RNF220: variants seen among roughly 807,000 people sequenced by gnomAD.
RNF220 encodes E3 ubiquitin-protein ligase RNF220.
In RNF220, 7 loss-of-function variants were observed where a neutral mutation model predicts 67.1. The ratio of observed to expected loss-of-function variants is 0.10; its 90% CI spans 0.06 to 0.20. The LOEUF (loss-of-function observed/expected upper bound fraction) is 0.20, where lower values mean the gene tolerates loss of function less well. Ranked by LOEUF, RNF220 falls within the 10% of genes least tolerant of loss-of-function variation. The pLI is 1.00. For missense variants in RNF220, 565 were observed against 740.3 expected (o/e 0.76, Z 2.75); for synonymous variants, 270 against 283.2 (o/e 0.95, Z 0.47).
rs1293272686 is a variant in RNF220, at chr1:44,417,492, C to T, written c.625+4770C>T. On this transcript the variant is annotated intron_variant, in intron 2 of 14. Coordinates refer to ENST00000361799, the MANE Select transcript of RNF220 (RefSeq NM_018150.4). The surrounding 1 kb of genome is among the most constrained non-coding windows in gnomAD (Gnocchi z 4.0). ...GCGCGCCGCTCGCCTGGCGGCTGGG[C>T]TCGCTGTAGTTGTGCTCCCGCTCTT... 6.6e-6 allele frequency among the ~76,000 whole-genome samples: 1 copy of T among 152,198 alleles called. No individual in the cohort carries two copies. Among genetic ancestry groups the T allele is most frequent in the Admixed American group, 6.5e-5 (1 of 15,306 alleles).
At chr1:44,530,775 C>G (rs2148190012) in intron 2 of RNF220, among the ~76,000 whole-genome samples, 1 of 152,086 alleles carries the variant, frequency 6.6e-6, no homozygotes, top group South Asian at 2.1e-4. Flanking sequence ...ACCAGCCTGA[C>G]CAACGTGGTA....
At chr1:44,490,476 CAAA>C (rs958591323) in intron 2 of RNF220, among the ~76,000 whole-genome samples, 1 of 120,144 alleles carries the variant, frequency 8.3e-6, no homozygotes, top group Non-Finnish European at 1.8e-5. Context: ...AACTTCATTC[CAAA>C]AAAAAAAAAA....
At chr1:44,519,635 G>C (rs903493644) in intron 2 of RNF220, among the ~76,000 whole-genome samples, 1 of 152,158 alleles carries the variant, frequency 6.6e-6, no homozygotes, top group Non-Finnish European at 1.5e-5. Context: ...ATCCAGTGTC[G>C]AGCTCAAGGT....
At chr1:44,616,061 C>T (rs1643533579) in intron 3 of RNF220, among the ~76,000 whole-genome samples, 1 of 152,194 alleles carries the variant, frequency 6.6e-6, no homozygotes, top group Non-Finnish European at 1.5e-5. Flanking sequence ...ACATGTGGGT[C>T]TCTGCATAGG....
At chr1:44,498,960 G>A (rs983785092) in intron 2 of RNF220, among the ~76,000 whole-genome samples, 1 of 152,028 alleles carries the variant, frequency 6.6e-6, no homozygotes, top group Non-Finnish European at 1.5e-5. Flanking sequence ...TATTCATCCC[G>A]AAATCTTGTC....
At chr1:44,582,523 G>A (rs1038029756) in intron 2 of RNF220, among the ~76,000 whole-genome samples, 6 of 152,256 alleles carry the variant, frequency 3.9e-5, no homozygotes, top group South Asian at 2.1e-4. Context: ...TTGGGAGGCC[G>A]AGGCAGGTGG....
chr1:44,604,893 C>G (rs149844), intron 2 of RNF220, among the ~76,000 whole-genome samples: 148,485 of 152,368 alleles, frequency 0.97, 72,468 homozygotes, highest in Non-Finnish European at 1. Flanking sequence ...GGGTATGTAG[C>G]CATGAATGTT....
intron 2 of RNF220, among the ~76,000 whole-genome samples, chr1:44,496,715 G>C (rs1313968921): frequency 2.0e-5 from 3 of 152,220 alleles, no homozygotes; most frequent in South Asian, 4.1e-4. Flanking sequence ...GGTGTGGGCT[G>C]ATGGCCCAGA....
intron 2 of RNF220, among the ~76,000 whole-genome samples, chr1:44,504,545 C>T (rs1658241108): frequency 6.6e-6 from 1 of 151,720 alleles, no homozygotes; most frequent in Non-Finnish European, 1.5e-5. Flanking sequence ...GGGTTTGTGA[C>T]AGCACATGAC....
intron 2 of RNF220, among the ~76,000 whole-genome samples, chr1:44,467,314 C>T (rs1177368607): frequency 2.0e-5 from 3 of 152,190 alleles, no homozygotes; most frequent in Middle Eastern, 3.2e-3. Context: ...CAGGTTCAAG[C>T]GATTCTCCTG....
At chr1:44,579,425 A>C (rs558396401) in intron 2 of RNF220, among the ~76,000 whole-genome samples, 133 of 152,286 alleles carry the variant, frequency 8.7e-4, no homozygotes, top group Non-Finnish European at 1.4e-3. Context: ...ATCTCTCCCT[A>C]GACTTGGACC....
At chr1:44,489,975 A>T (rs1318309425) in intron 2 of RNF220, among the ~76,000 whole-genome samples, 3 of 152,136 alleles carry the variant, frequency 2.0e-5, no homozygotes, top group African/African-American at 7.2e-5. Context: ...CTCAGTCGTT[A>T]TCCCTATTGT....
chr1:44,553,590 T>C (rs1662844278), intron 2 of RNF220, among the ~76,000 whole-genome samples: 1 of 152,160 alleles, frequency 6.6e-6, no homozygotes, highest in African/African-American at 2.4e-5. Flanking sequence ...CTGTTTGGTT[T>C]CTCTACACTC....
Position 44,606,775 on chromosome 1 carries a change from A to T in RNF220, c.626-7390A>T, listed in dbSNP as rs546144319. Among the ~76,000 whole-genome samples the T allele has an allele frequency of 2.0e-5, 3 of 152,142 alleles. No homozygotes were observed. Among genetic ancestry groups the T allele is most frequent in the Non-Finnish European group, 2.9e-5 (2 of 68,018 alleles). On this transcript the variant is annotated intron_variant, in intron 2 of 14. Transcript: ENST00000361799. The surrounding 1 kb of genome is among the most constrained non-coding windows in gnomAD (Gnocchi z 4.2). ...TCATTTATTTATTCAATAAATATTT[A>T]TTGAGCATTTACCACATGCCAGACA...
chr1:44,517,465 T>G (rs1659546880), intron 2 of RNF220, among the ~76,000 whole-genome samples: 1 of 152,226 alleles, frequency 6.6e-6, no homozygotes, highest in Non-Finnish European at 1.5e-5. Flanking sequence ...TTTTTCTTTC[T>G]TTCTTTTTTC....
rs920622825 is a variant in RNF220 at position 44,600,079 on chromosome 1, G to A, written c.626-14086G>A. Among the ~76,000 whole-genome samples, 3 of 152,200 alleles carry A rather than the reference G, an allele frequency of 2.0e-5. No individual in the cohort carries two copies. The highest frequency in any genetic ancestry group is 7.2e-5 in the African/African-American group (3 of 41,438). ...AAACAGGGAAGATGTTGACTTACTG[G>A]ATGTAGGGACTGGAGTAAAGAGTAA... On this transcript the variant is annotated intron_variant, in intron 2 of 14. Coordinates refer to ENST00000361799, the MANE Select transcript of RNF220 (RefSeq NM_018150.4). The surrounding 1 kb of genome is among the most constrained non-coding windows in gnomAD (Gnocchi z 4.0).
intron 2 of RNF220, among the ~76,000 whole-genome samples, chr1:44,608,876 A>G (rs1667467424): frequency 6.6e-6 from 1 of 152,196 alleles, no homozygotes; most frequent in Non-Finnish European, 1.5e-5. Context: ...AGGTGTCAGG[A>G]TGGGGCAGAT....
rs994015989 is a variant in RNF220, at chr1:44,417,524, C to A, written c.625+4802C>A. Among the ~76,000 whole-genome samples the A allele has an allele frequency of 6.6e-6, 1 of 152,058 alleles. No individual in the cohort carries two copies. Among genetic ancestry groups the A allele is most frequent in the Non-Finnish European group, 1.5e-5 (1 of 68,008 alleles). On this transcript the variant is annotated intron_variant, in intron 2 of 14. Coordinates refer to ENST00000361799, the MANE Select transcript of RNF220 (RefSeq NM_018150.4). This position sits in a 1 kb window ranked among gnomAD's most constrained non-coding sequence, Gnocchi z 4.0. ...TAGTTGTGCTCCCGCTCTTCCCCTG[C>A]CCTCGCTCCACGCCGCGCCGCTCTG... is the stretch of plus-strand genomic sequence containing the variant.
At chr1:44,486,691 A>T (rs1283683468) in intron 2 of RNF220, among the ~76,000 whole-genome samples, 1 of 152,212 alleles carries the variant, frequency 6.6e-6, no homozygotes, top group Non-Finnish European at 1.5e-5. Flanking sequence ...GTTGAACGGT[A>T]AAGCCCACTT....
Sources: gnomAD v4.1 joint callset for allele counts (sites outside exome capture counted in the v4.1 genomes callset) on GRCh38, gnomAD v4.1.1 for gene constraint, Gnocchi (gnomAD v3.1) non-coding constraint, MANE v1.5 for transcripts, NCBI Gene and HGNC (gene_info 2026-07-23, HGNC 2026-07-21) for gene names.